The following CSMD1 variants were observed in gnomAD, a reference collection of about 807,000 sequenced individuals.
CSMD1 encodes the protein CUB and sushi domain-containing protein 1.
A neutral mutation model predicts 417.5 loss-of-function variants in CSMD1; 213 were observed. That is an observed-to-expected ratio of 0.51 (90% CI 0.46 to 0.57). The LOEUF (loss-of-function observed/expected upper bound fraction) is 0.57. Among genes scored for constraint, CSMD1 ranks in the 20% least tolerant of loss-of-function variants. CSMD1 has a pLI of 0.00. For synonymous variants in CSMD1, 2,862 were observed against 1,736.8 expected, an observed-to-expected ratio of 1.65 and a Z score of -16.11; for missense variants, 6,923 against 4,529.7, an observed-to-expected ratio of 1.53 and a Z score of -15.17.
chr8:4,647,266 A>G (rs1803576676), intron 1 of CSMD1, among the ~76,000 whole-genome samples: 1 of 151,916 alleles, frequency 6.6e-6, no homozygotes, highest in Admixed American at 6.6e-5. Context: ...CTTCTAAAAA[A>G]AAAAATCCGG....
At position 3,623,306 on chromosome 8, in the gene CSMD1, G is replaced by A. The variant is rs191660536; in HGVS notation, c.1010-6509C>T. ...AAATTCTTCTTCATCAAATTACCCT[G>A]CTGTTTGAGGACATGCCATGTAAGT... On this transcript the variant is annotated intron_variant, in intron 7 of 69. Coordinates refer to ENST00000635120, the MANE Select transcript of CSMD1 (RefSeq NM_033225.6). Among the ~76,000 whole-genome samples, 25 of 152,302 alleles carry A rather than the reference G, an allele frequency of 1.6e-4. No individual in the cohort carries two copies. The East Asian group carries it at 4.3e-3, about 26-fold the overall frequency.
intron 10 of CSMD1, among the ~76,000 whole-genome samples, chr8:3,538,400 G>A (rs1326896153): frequency 6.6e-6 from 1 of 152,068 alleles, no homozygotes; most frequent in Admixed American, 6.6e-5. Flanking sequence ...GTGCACCTGA[G>A]ATGCCTCACC....
chr8:3,759,857 G>T (rs755249805), intron 5 of CSMD1, among the ~76,000 whole-genome samples: 1 of 148,122 alleles, frequency 6.8e-6, no homozygotes, highest in Admixed American at 6.8e-5. Context: ...GCAGTGACCC[G>T]GAGATTGCAC....
At chr8:4,895,083 T>C (rs560272324) in intron 1 of CSMD1, among the ~76,000 whole-genome samples, 2 of 152,200 alleles carry the variant, frequency 1.3e-5, no homozygotes, top group East Asian at 1.9e-4. Flanking sequence ...TGAGTAAATA[T>C]GTTTCACTCT....
intron 26 of CSMD1, among the ~76,000 whole-genome samples, chr8:3,252,909 TTA>T (rs1554486155): frequency 6.6e-6 from 1 of 152,218 alleles, no homozygotes; most frequent in Non-Finnish European, 1.5e-5. Context: ...GGTGGTGATA[TTA>T]CCTTTATCAT....
At chr8:3,407,169 G>A (rs1461325386) in intron 14 of CSMD1, among the ~76,000 whole-genome samples, 1 of 78,692 alleles carries the variant, frequency 1.3e-5, no homozygotes, top group African/African-American at 5.9e-5. Context: ...ACAGATGGAA[G>A]GATGGATAAT....
rs1367190767 is a variant in CSMD1, at chr8:3,206,664, G to C, written c.4868-1044C>G. Among the ~76,000 whole-genome samples, 385 of 136,054 alleles carry C rather than the reference G, an allele frequency of 2.8e-3. 4 individuals carry two copies. The highest frequency in any genetic ancestry group is 9.7e-3 in the African/African-American group (360 of 37,104). 89.3% of individuals were successfully genotyped at this position (136,054 alleles called of 152,430 possible). ...TGTGTGTGGGTGTATGTGTGTGGGG[G>C]TATGTCTGTGTGTGTGTGTATATGT... On this transcript the variant is annotated intron_variant, in intron 30 of 69. Transcript: ENST00000635120.
At chr8:4,703,881 G>A (rs989097193) in intron 1 of CSMD1, among the ~76,000 whole-genome samples, 1 of 152,130 alleles carries the variant, frequency 6.6e-6, no homozygotes, top group African/African-American at 2.4e-5. Flanking sequence ...AGGGTTGGGG[G>A]ACGGTTTTGG....
At chr8:3,954,752 A>G (rs567448033) in intron 5 of CSMD1, among the ~76,000 whole-genome samples, 1 of 151,718 alleles carries the variant, frequency 6.6e-6, no homozygotes, top group Non-Finnish European at 1.5e-5. Flanking sequence ...CTTGCCCCTC[A>G]GAACTGAGCA....
chr8:4,355,306 T>TACACAC (rs66981171), intron 3 of CSMD1, among the ~76,000 whole-genome samples: 17 of 140,090 alleles, frequency 1.2e-4, no homozygotes, highest in Non-Finnish European at 2.2e-4. Flanking sequence ...AACCACTTCA[T>TACACAC]ACACACACAC....
Position 3,473,704 on chromosome 8 carries a change from A to T in CSMD1, c.1449-4880T>A, listed in dbSNP as rs565324702. 2.1e-3 allele frequency among the ~76,000 whole-genome samples: 326 copies of T among 152,350 alleles called. 1 individual carries two copies. The highest frequency in any genetic ancestry group is 7.6e-3 in the African/African-American group (314 of 41,574). On this transcript the variant is annotated intron_variant, in intron 11 of 69. Coordinates refer to ENST00000635120, the MANE Select transcript of CSMD1 (RefSeq NM_033225.6). ...ATTTTGTTGAATGTCATTTCATTAT[A>T]ACAATGATGAAGAAGATAGATTCCT...
chr8:4,093,002 G>C (rs1330040889), intron 3 of CSMD1, among the ~76,000 whole-genome samples: 1 of 152,040 alleles, frequency 6.6e-6, no homozygotes, highest in African/African-American at 2.4e-5. Flanking sequence ...TCAAAGAAAA[G>C]ACCACTGAGG....
At chr8:4,836,215 G>A (rs1412523520) in intron 1 of CSMD1, among the ~76,000 whole-genome samples, 1 of 152,240 alleles carries the variant, frequency 6.6e-6, no homozygotes, top group East Asian at 1.9e-4. Context: ...CTACCTTGAG[G>A]TATTAGATAG....
chr8:4,814,394 C>A (rs1389426632), intron 1 of CSMD1, among the ~76,000 whole-genome samples: 2 of 152,144 alleles, frequency 1.3e-5, no homozygotes, highest in African/African-American at 2.4e-5. Flanking sequence ...TATAAGCATG[C>A]ACCGCCAAGC....
intron 2 of CSMD1, among the ~76,000 whole-genome samples, chr8:4,424,124 C>A (rs1181789495): frequency 6.6e-6 from 1 of 151,898 alleles, no homozygotes; most frequent in Admixed American, 6.6e-5. Context: ...GCTTTTGAGT[C>A]TAGGGCTAGA....
At chr8:4,106,880 T>G (rs1801596089) in intron 3 of CSMD1, among the ~76,000 whole-genome samples, 2 of 152,126 alleles carry the variant, frequency 1.3e-5, no homozygotes, top group South Asian at 2.1e-4. Flanking sequence ...TCAACTCAAG[T>G]CATCGTTAAT....
chr8:3,305,524 A>T (rs934114049), intron 25 of CSMD1, among the ~76,000 whole-genome samples: 7 of 152,160 alleles, frequency 4.6e-5, no homozygotes, highest in Middle Eastern at 3.4e-3. Flanking sequence ...AGCCCCTGAT[A>T]AAAGGTTAAG....
At chr8:4,338,218 T>C (rs1265881698) in intron 3 of CSMD1, among the ~76,000 whole-genome samples, 1 of 152,166 alleles carries the variant, frequency 6.6e-6, no homozygotes, top group Non-Finnish European at 1.5e-5. Flanking sequence ...GTCATAGTTC[T>C]TGCATATTTC....
At chr8:3,643,817 C>A (rs1005933261) in intron 7 of CSMD1, among the ~76,000 whole-genome samples, 8 of 151,558 alleles carry the variant, frequency 5.3e-5, no homozygotes, top group African/African-American at 1.7e-4. Context: ...AATCAAACCA[C>A]AGGGTTAAGT....
Sources: allele counts gnomAD v4.1 joint callset (sites outside exome capture counted in the v4.1 genomes callset), GRCh38; gene constraint gnomAD v4.1.1; transcripts MANE v1.5; gene names NCBI Gene and HGNC (gene_info 2026-07-23, HGNC 2026-07-21).